Variants in CELF2 observed in about 807,000 individuals in gnomAD.
CELF2 encodes CUG triplet repeat RNA-binding protein 2.
A neutral mutation model predicts 62.6 loss-of-function variants in CELF2; 8 were observed. The observed-to-expected ratio is 0.13, with a 90% CI of 0.07 to 0.23. The LOEUF (loss-of-function observed/expected upper bound fraction) is 0.23, where lower values mean the gene tolerates loss of function less well. Ranked by LOEUF, CELF2 falls within the 10% of genes least tolerant of loss-of-function variation. The probability of loss-of-function intolerance (pLI) is 1.00; values close to 1 mark genes in which losing one functional copy is unlikely to be tolerated. For synonymous variants in CELF2, 258 were observed against 250.0 expected (o/e 1.03, Z -0.30); for missense variants, 333 against 671.0 (o/e 0.50, Z 5.56).
At chr10:10,464,727 T>C in the CELF2 span, among the ~76,000 whole-genome samples, 2 of 152,214 alleles carry the variant, frequency 1.3e-5, no homozygotes, top group African/African-American at 2.4e-5. Flanking sequence ...TGTAGGACTC[T>C]GTCATTTGAA....
chr10:10,852,467 T>A (rs1044821404), intron 1 of CELF2, among the ~76,000 whole-genome samples: 1 of 152,136 alleles, frequency 6.6e-6, no homozygotes, highest in Non-Finnish European at 1.5e-5. Flanking sequence ...GAGAAAGGTG[T>A]GTGGTTATAA....
rs1281596161 is a variant in CELF2, at chr10:11,207,032, A to G, written c.272-10393A>G. ...CTTTCATAGCTATTAGACAATTGAA[A>G]TGGTTTAACATAAGTGTCTTATTTC... is the stretch of plus-strand genomic sequence containing the variant. On this transcript the variant is annotated intron_variant, in intron 2 of 12. Transcript: ENST00000633077. The surrounding 1 kb of genome is among the most constrained non-coding windows in gnomAD (Gnocchi z 4.1). Among the ~76,000 whole-genome samples the G allele has an allele frequency of 1.3e-5, 2 of 152,236 alleles. No homozygotes were observed. The highest frequency in any genetic ancestry group is 4.8e-5 in the African/African-American group (2 of 41,466).
At chr10:10,829,624 G>C (rs1309096842) in intron 1 of CELF2, among the ~76,000 whole-genome samples, 2 of 152,178 alleles carry the variant, frequency 1.3e-5, no homozygotes, top group East Asian at 3.8e-4. Flanking sequence ...CACATTTGTA[G>C]GCACAGCAGG....
At chr10:10,884,369 T>C (rs2061623635) in intron 1 of CELF2, among the ~76,000 whole-genome samples, 1 of 152,204 alleles carries the variant, frequency 6.6e-6, no homozygotes, top group African/African-American at 2.4e-5. Flanking sequence ...GAAGGTATTG[T>C]GTGATGTTTC....
the CELF2 span, among the ~76,000 whole-genome samples, chr10:10,714,060 T>C: frequency 6.6e-6 from 1 of 151,912 alleles, no homozygotes; most frequent in Admixed American, 6.6e-5. Flanking sequence ...AAAGGAAATA[T>C]GGGTATAGAT....
At chr10:10,948,521 A>G (rs1343170504) in intron 2 of CELF2, 2 of 152,100 alleles carry the variant, frequency 1.3e-5, no homozygotes, top group African/African-American at 4.8e-5. Context: ...TATTTGATCA[A>G]GCTTTATATA....
At chr10:10,502,215 G>GT in the CELF2 span, among the ~76,000 whole-genome samples, 45,382 of 151,548 alleles carry the variant, frequency 0.3, 7,525 homozygotes, top group Non-Finnish European at 0.38. Flanking sequence ...TTGATTTGCA[G>GT]TTTTTTTCTG....
At chr10:11,130,025 C>T (rs1262190702) in intron 1 of CELF2, among the ~76,000 whole-genome samples, 4 of 152,176 alleles carry the variant, frequency 2.6e-5, no homozygotes, top group Non-Finnish European at 5.9e-5. Flanking sequence ...TGTAAATTTC[C>T]CTCTACACAC....
chr10:10,856,564 ATCT>A lies in CELF2; in HGVS notation c.53+57751_53+57753del, dbSNP rs1481207680. 2.0e-4 allele frequency among the ~76,000 whole-genome samples: 31 copies of A among 152,268 alleles called. No individual in the cohort carries two copies. In the South Asian group the frequency reaches 4.8e-3, roughly 23 times the overall value. ...CAGATAATAAACAATGGAAGAAATA[ATCT>A]TCTCATTGCATAATATTTTTTACTT... On this transcript the variant is annotated intron_variant, in intron 1 of 13. Transcript: ENST00000636488.
At chr10:10,707,747 C>T in the CELF2 span, among the ~76,000 whole-genome samples, 32 of 152,252 alleles carry the variant, frequency 2.1e-4, no homozygotes, top group South Asian at 6.2e-3. Flanking sequence ...TAATTTACTT[C>T]TTATAACAGG....
chr10:10,705,271 C>T, the CELF2 span, among the ~76,000 whole-genome samples: 1 of 150,122 alleles, frequency 6.7e-6, no homozygotes, highest in South Asian at 2.2e-4. Flanking sequence ...AACGTAGTCA[C>T]AAAATAAATT....
rs2094838713 is a variant in CELF2 at position 11,315,001 on chromosome 10, T to C, written c.1096+743T>C. On this transcript the variant is annotated intron_variant, in intron 10 of 12. Transcript: ENST00000633077. This position sits in a 1 kb window ranked among gnomAD's most constrained non-coding sequence, Gnocchi z 5.8. ...AAATTGTACTTGGTTCCGAAACATA[T>C]GGATGGACTCACCAGAGAACTGCAG... 2.6e-5 allele frequency among the ~76,000 whole-genome samples: 4 copies of C among 152,078 alleles called. No homozygotes were observed. The highest frequency in any genetic ancestry group is 4.4e-5 in the Non-Finnish European group (3 of 68,012).
the CELF2 span, among the ~76,000 whole-genome samples, chr10:10,648,769 C>T: frequency 2.6e-5 from 4 of 152,174 alleles, no homozygotes; most frequent in East Asian, 5.8e-4. Flanking sequence ...CCCAGCAGCC[C>T]GAAGGAAGAC....
the CELF2 span, among the ~76,000 whole-genome samples, chr10:10,617,588 C>G: frequency 8.6e-5 from 13 of 151,996 alleles, no homozygotes; most frequent in Non-Finnish European, 1.5e-4. Context: ...AACCTGGGCT[C>G]TTAACCCAGA....
the CELF2 span, among the ~76,000 whole-genome samples, chr10:10,535,203 A>T: frequency 6.6e-6 from 1 of 152,182 alleles, no homozygotes; most frequent in Non-Finnish European, 1.5e-5. Context: ...AGACTGGGAG[A>T]GGAGAGAGTG....
At chr10:10,943,908 T>C (rs1191513111) in intron 2 of CELF2, among the ~76,000 whole-genome samples, 1 of 152,120 alleles carries the variant, frequency 6.6e-6, no homozygotes, top group African/African-American at 2.4e-5. Flanking sequence ...AGCCCCAAGA[T>C]TGCTCTTTAA....
upstream of CELF2, chr10:10,798,518 G>C (rs1590449470): frequency 2.7e-6 from 1 of 376,034 alleles, no homozygotes; most frequent in Non-Finnish European, 4.7e-6. Context: ...GGTCAAATTT[G>C]ATCAGTTGGA....
the CELF2 span, among the ~76,000 whole-genome samples, chr10:10,604,078 T>C: frequency 6.6e-6 from 1 of 152,064 alleles, no homozygotes; most frequent in Non-Finnish European, 1.5e-5. Context: ...GGTATAGTGG[T>C]GGGTGCCTGT....
In CELF2 at chr10:11,011,757, G is replaced by GA. The variant is rs746844295; in HGVS notation, c.53+6325dup. ...CTTTGGGTAGTTCTTTTAAGAGAAA[G>GA]AAAAAAAATTTCCCCTAATGGACTT... On this transcript the variant is annotated intron_variant, in intron 1 of 12. Coordinates refer to the CELF2 transcript ENST00000416382. This position sits in a 1 kb window ranked among gnomAD's most constrained non-coding sequence, Gnocchi z 4.6. Among the ~76,000 whole-genome samples, 48 of 151,896 alleles carry GA rather than the reference G, an allele frequency of 3.2e-4. No individual in the cohort carries two copies. The highest frequency in any genetic ancestry group is 4.7e-4 in the Non-Finnish European group (32 of 67,916).
Sources: allele counts gnomAD v4.1 joint callset (sites outside exome capture counted in the v4.1 genomes callset), GRCh38; gene constraint gnomAD v4.1.1; non-coding constraint Gnocchi (gnomAD v3.1); transcripts MANE v1.5; gene names NCBI Gene and HGNC (gene_info 2026-07-23, HGNC 2026-07-21).